The following PKHD1 variants were observed in gnomAD, a reference collection of about 807,000 sequenced individuals.
The protein encoded by PKHD1 is PKHD1 ciliary IPT domain containing fibrocystin/polyductin.
Under a neutral mutation model 412.0 loss-of-function variants are expected in PKHD1, and 291 were observed. The ratio of observed to expected loss-of-function variants is 0.71; its 90% confidence interval spans 0.64 to 0.78. The LOEUF is 0.78. Among genes scored for constraint, PKHD1 ranks in the 30% least tolerant of loss-of-function variants. PKHD1 has a pLI of 0.00. For synonymous variants in PKHD1, 1,777 were observed against 1,821.5 expected (o/e 0.98, Z 0.62); for missense variants, 4,825 against 4,950.7 (o/e 0.97, Z 0.76).
intron 38 of PKHD1, 151 bp downstream of exon 38, chr6:51,912,215 T>C (rs1783065932): frequency 2.8e-6 from 2 of 714,510 alleles, no homozygotes; most frequent in Non-Finnish European, 5.0e-6. Flanking sequence ...TCAAAACATT[T>C]CATGCTTTTT....
At chr6:51,668,035 T>C (rs957081835) in intron 60 of PKHD1, among the ~76,000 whole-genome samples, 1 of 152,152 alleles carries the variant, frequency 6.6e-6, no homozygotes, top group Non-Finnish European at 1.5e-5. Flanking sequence ...GCAGGCTCTT[T>C]TTTGGTTCCA....
intron 60 of PKHD1, among the ~76,000 whole-genome samples, chr6:51,675,306 C>T (rs1775660584): frequency 6.6e-6 from 1 of 152,152 alleles, no homozygotes; most frequent in Non-Finnish European, 1.5e-5. Flanking sequence ...GATTTGTTTT[C>T]TTCCTGCTTC....
In PKHD1 at chr6:51,912,442, C is replaced by T. The variant is rs577564435; in HGVS notation, c.6256G>A (p.Gly2086Ser). ...VVIISGTGVK[G>S]AKPMEEIVTV... ...ACAATCTCTTCCATCGGTTTGGCAC[C>T]TTTAACACCTGTTCCACTGATGATG... The change falls in exon 38 of 67, where the codon GGT (glycine) becomes AGT (serine). Residue 2086 changes from glycine to serine, a missense_variant. By Grantham distance (56) the Gly-to-Ser change is moderately conservative. Transcript: ENST00000371117. The T allele has an allele frequency of 5.0e-6, 8 of 1,613,104 alleles. No individual in the cohort carries two copies. The African/African-American group carries it at 9.3e-5, about 19-fold the overall frequency.
chr6:51,975,149 T>C (rs1448030598), intron 35 of PKHD1, among the ~76,000 whole-genome samples: 1 of 151,880 alleles, frequency 6.6e-6, no homozygotes, highest in Non-Finnish European at 1.5e-5. Context: ...AATTGAATTT[T>C]AAAGATAGAA....
At position 52,073,493 on chromosome 6, in the gene PKHD1, G is replaced by T; in HGVS notation, c.497C>A (p.Thr166Asn). The change falls in exon 7 of 67, where the codon ACT (threonine) becomes AAT (asparagine). Residue 166 changes from threonine to asparagine, a missense_variant. Thr to Asn is a moderately conservative substitution (Grantham distance 65). Coordinates refer to ENST00000371117, the MANE Select transcript of PKHD1 (RefSeq NM_138694.4). Reference protein sequence around the residue: ...YGWIITGRLETFDFDAEYIDS... With the variant: ...YGWIITGRLENFDFDAEYIDS... ...AATGTACTCAGCATCAAAATCAAAA[G>T]TTTCCAATCTTCCAGTGATAATCCA... 6.2e-7 allele frequency: 1 copy of T among 1,608,798 alleles called. No homozygotes were observed. Among genetic ancestry groups the T allele is most frequent in the Non-Finnish European group, 8.5e-7 (1 of 1,175,242 alleles).
chr6:51,659,808 C>T lies in PKHD1; in HGVS notation c.10318G>A (p.Val3440Ile). 6.2e-7 allele frequency: 1 copy of T among 1,613,824 alleles called. No individual in the cohort carries two copies. Among genetic ancestry groups the T allele is most frequent in the Non-Finnish European group, 8.5e-7 (1 of 1,179,836 alleles). Reference protein sequence around the residue: ...VVSVTSGFVDVFSSVNANIPC... With the variant: ...VVSVTSGFVDIFSSVNANIPC... ...ATATTGGCATTTACACTGCTAAAGA[C>T]ATCAACAAAACCACTAGTCACAGAT... is the stretch of plus-strand genomic sequence containing the variant. The change falls in exon 61 of 67, where the codon GTC (valine) becomes ATC (isoleucine). Residue 3440 changes from valine to isoleucine, a missense_variant. Physicochemically the swap from Val to Ile is conservative, Grantham distance 29 (BLOSUM62 3). Transcript: ENST00000371117.
chr6:51,962,677 T>C (rs1412400768), intron 35 of PKHD1, among the ~76,000 whole-genome samples: 2 of 152,116 alleles, frequency 1.3e-5, no homozygotes, highest in Non-Finnish European at 2.9e-5. Context: ...AGCTCCCATC[T>C]GAAGTTTTTC....
At chr6:51,650,306 A>G (rs1038405040) in intron 61 of PKHD1, among the ~76,000 whole-genome samples, 1 of 152,142 alleles carries the variant, frequency 6.6e-6, no homozygotes, top group Non-Finnish European at 1.5e-5. Context: ...GCCTATTGTG[A>G]ATTACATATC....
intron 29 of PKHD1, among the ~76,000 whole-genome samples, chr6:52,032,721 TTA>T (rs1351307633): frequency 1.3e-5 from 2 of 152,202 alleles, no homozygotes; most frequent in African/African-American, 4.8e-5. Flanking sequence ...TACATCTATT[TTA>T]TGTTTATGCT....
chr6:51,648,195 A>G, intron 62 of PKHD1, 77 bp from the exon 63 acceptor site: 1 of 803,140 alleles, frequency 1.2e-6, no homozygotes, highest in Non-Finnish European at 2.2e-6. Context: ...GAAAAGATGG[A>G]TCAGATATTT....
rs374040228 is a variant in PKHD1, at chr6:52,073,531, T to C, written c.459A>G (p.Ile153Met). Reference sequence around the variant, plus strand: ...CAGTGATAATCCAGCCATATACATGTATTAGTTTTCCTGTTTGAAGAAGAA... The same window carrying C: ...CAGTGATAATCCAGCCATATACATGCATTAGTTTTCCTGTTTGAAGAAGAA... The part of the protein sequence containing the change: ...YPPSGVPGKL[I>M]HVYGWIITGR... The change falls in exon 7 of 67, where the codon ATA becomes ATG. Residue 153 changes from isoleucine (I) to methionine (M), a missense_variant. Ile to Met is a conservative substitution (Grantham distance 10). Coordinates refer to ENST00000371117, the MANE Select transcript of PKHD1 (RefSeq NM_138694.4). The C allele has an allele frequency of 1.6e-5, 25 of 1,595,746 alleles. No individual in the cohort carries two copies. The highest frequency in any genetic ancestry group is 2.0e-5 in the Non-Finnish European group (23 of 1,163,462).
chr6:51,667,015 G>A (rs1253304364), intron 60 of PKHD1, among the ~76,000 whole-genome samples: 1 of 149,280 alleles, frequency 6.7e-6, no homozygotes, highest in Non-Finnish European at 1.5e-5. Flanking sequence ...ACGTGTGCAT[G>A]TGTCTTTATA....
chr6:51,703,572 C>T (rs1779691381), intron 60 of PKHD1, among the ~76,000 whole-genome samples: 1 of 151,868 alleles, frequency 6.6e-6, no homozygotes, highest in Admixed American at 6.6e-5. Flanking sequence ...AGGGGAATAA[C>T]TATAATTTTA....
intron 62 of PKHD1, among the ~76,000 whole-genome samples, chr6:51,648,799 T>G (rs2150365286): frequency 6.6e-6 from 1 of 152,350 alleles, no homozygotes; most frequent in African/African-American, 2.4e-5. Context: ...AGGCTAGATT[T>G]CAGAGAAGAT....
chr6:51,734,279 T>C (rs1260759991), intron 60 of PKHD1, among the ~76,000 whole-genome samples: 2 of 152,206 alleles, frequency 1.3e-5, no homozygotes, highest in Admixed American at 1.3e-4. Flanking sequence ...TATTTGGCCA[T>C]GTACCACATT....
chr6:51,933,180 T>G (rs965382938), intron 37 of PKHD1, among the ~76,000 whole-genome samples: 6 of 152,176 alleles, frequency 3.9e-5, no homozygotes, highest in Non-Finnish European at 7.3e-5. Context: ...CAGTTGATAC[T>G]AAGGATTATC....
At chr6:51,890,050 C>G (rs1411082670) in intron 43 of PKHD1, among the ~76,000 whole-genome samples, 1 of 151,376 alleles carries the variant, frequency 6.6e-6, no homozygotes, top group Non-Finnish European at 1.5e-5. Flanking sequence ...AGAATAATAA[C>G]ACTCATAGTG....
At chr6:51,906,936 T>C (rs560496386) in intron 40 of PKHD1, among the ~76,000 whole-genome samples, 1 of 152,226 alleles carries the variant, frequency 6.6e-6, no homozygotes, top group South Asian at 2.1e-4. Flanking sequence ...AGGAAAATCA[T>C]TACACTGGTT....
intron 52 of PKHD1, among the ~76,000 whole-genome samples, chr6:51,827,129 T>A (rs1006261011): frequency 6.6e-6 from 1 of 152,182 alleles, no homozygotes; most frequent in Non-Finnish European, 1.5e-5. Flanking sequence ...AATCGTATTA[T>A]GTAAAAATGG....
Sources: gnomAD v4.1 joint callset for allele counts (sites outside exome capture counted in the v4.1 genomes callset) on GRCh38, gnomAD v4.1.1 for gene constraint, MANE v1.5 for transcripts, NCBI Gene and HGNC (gene_info 2026-07-23, HGNC 2026-07-21) for gene names.